VAV3: variants seen among roughly 807,000 people sequenced by gnomAD.
The protein encoded by VAV3 is guanine nucleotide exchange factor VAV3.
VAV3 carries 94 observed loss-of-function variants against 131.2 expected under a neutral mutation model. That is an observed-to-expected ratio of 0.72 (90% confidence interval 0.61 to 0.85). The LOEUF is 0.85. VAV3 is among the 40% of genes least tolerant of loss of function. The pLI, the probability that VAV3 is intolerant of heterozygous loss-of-function variation, is 0.00. For synonymous variants in VAV3, 349 were observed against 342.0 expected (o/e 1.02, Z -0.22); for missense variants, 939 against 1,002.7 (o/e 0.94, Z 0.86).
At chr1:107,679,843 C>T (rs1489631150) in intron 19 of VAV3, among the ~76,000 whole-genome samples, 1 of 152,092 alleles carries the variant, frequency 6.6e-6, no homozygotes, top group Non-Finnish European at 1.5e-5. Context: ...TGTTATTTTC[C>T]TGATACCAAC....
At chr1:107,641,606 T>C (rs922078660) in intron 20 of VAV3, among the ~76,000 whole-genome samples, 2 of 152,184 alleles carry the variant, frequency 1.3e-5, no homozygotes, top group Admixed American at 1.3e-4. Flanking sequence ...AACATCAACA[T>C]GCTCACTTAC....
At chr1:107,759,357 T>C (rs1391392860) in intron 10 of VAV3, among the ~76,000 whole-genome samples, 1 of 152,200 alleles carries the variant, frequency 6.6e-6, no homozygotes, top group Non-Finnish European at 1.5e-5. Context: ...TAAATAAAAG[T>C]CATGTTATTA....
At chr1:107,599,954 A>G (rs1375965865) in intron 24 of VAV3, among the ~76,000 whole-genome samples, 1 of 151,870 alleles carries the variant, frequency 6.6e-6, no homozygotes, top group African/African-American at 2.4e-5. Flanking sequence ...TGAAGTCTGT[A>G]TGATCTTGAT....
At position 107,755,451 on chromosome 1, in the gene VAV3, CTG is replaced by C; in HGVS notation, c.1147_1148del (p.Gln383ValfsTer23). ...CCAAATTCTCTATAGATAGCTGAAA[CTG>C]TTTAATTTCACGAAGGGTCTCATTA... ...RDNETLREIKQFQLSIENLNQ... is the reference protein window; with the variant it reads ...RDNETLREIKXFQLSIENLNQ... On this transcript the variant is annotated frameshift_variant, in exon 12 of 27. Transcript: ENST00000370056. LOFTEE classifies it high-confidence loss of function. The C allele has an allele frequency of 6.2e-7, 1 of 1,613,206 alleles. No individual in the cohort carries two copies. Among genetic ancestry groups the C allele is most frequent in the Non-Finnish European group, 8.5e-7 (1 of 1,179,300 alleles).
At chr1:107,954,438 T>C (rs1179381313) in intron 1 of VAV3, among the ~76,000 whole-genome samples, 2 of 152,142 alleles carry the variant, frequency 1.3e-5, no homozygotes, top group Non-Finnish European at 2.9e-5. Context: ...CCTTTCCTTT[T>C]CCCATTATAT....
intron 12 of VAV3, 92 bp downstream of exon 12, chr1:107,755,335 T>G: frequency 4.0e-6 from 4 of 1,004,984 alleles, no homozygotes; most frequent in Non-Finnish European, 6.0e-6. Context: ...CAGTAGAAAC[T>G]TGAAGGTAAA....
chr1:107,661,908 C>T (rs1009617980), intron 19 of VAV3, among the ~76,000 whole-genome samples: 8 of 152,210 alleles, frequency 5.3e-5, no homozygotes, highest in East Asian at 3.9e-4. Context: ...CTACCTACCA[C>T]GGAAAATTAA....
chr1:107,810,506 T>C (rs188043498), intron 2 of VAV3, among the ~76,000 whole-genome samples: 134 of 152,306 alleles, frequency 8.8e-4, no homozygotes, highest in African/African-American at 3.1e-3. Flanking sequence ...AAAATTGCTA[T>C]GAGACATGGA....
chr1:107,710,638 C>T, intron 15 of VAV3, among the ~76,000 whole-genome samples: 1 of 152,096 alleles, frequency 6.6e-6, no homozygotes, highest in East Asian at 1.9e-4. Flanking sequence ...CTATTAACCT[C>T]TATTATTTAA....
At chr1:107,862,071 T>C (rs1226944486) in intron 2 of VAV3, among the ~76,000 whole-genome samples, 1 of 151,638 alleles carries the variant, frequency 6.6e-6, no homozygotes, top group Non-Finnish European at 1.5e-5. Context: ...AGCATTATAA[T>C]TGGCATTGAG....
chr1:107,644,740 A>G (rs187637028), intron 19 of VAV3, among the ~76,000 whole-genome samples: 22 of 152,130 alleles, frequency 1.4e-4, no homozygotes, highest in Non-Finnish European at 2.9e-4. Context: ...TCACCACCCA[A>G]ATATATATTA....
At chr1:107,586,646 A>C (rs1234157716) in intron 25 of VAV3, among the ~76,000 whole-genome samples, 1 of 152,156 alleles carries the variant, frequency 6.6e-6, no homozygotes, top group East Asian at 1.9e-4. Context: ...AACCATTTAC[A>C]TGATGAGGAA....
intron 2 of VAV3, among the ~76,000 whole-genome samples, chr1:107,824,033 T>C (rs1021963134): frequency 6.6e-6 from 1 of 152,108 alleles, no homozygotes; most frequent in Non-Finnish European, 1.5e-5. Flanking sequence ...ACTCAACCAG[T>C]GTCATTGCAA....
In VAV3 at chr1:107,861,008, T is replaced by C. The variant is rs769244753; in HGVS notation, c.321+13893A>G. 4.6e-5 allele frequency among the ~76,000 whole-genome samples: 7 copies of C among 151,706 alleles called. 1 individual carries two copies. Among genetic ancestry groups the C allele is most frequent in the Non-Finnish European group, 1.0e-4 (7 of 67,896 alleles). ...ATGGAAGAAAATTTAGAAAGATAGA[T>C]TATGCTTTATTATTAGTGATGAATC... On this transcript the variant is annotated intron_variant, in intron 2 of 26. Coordinates refer to ENST00000370056, the MANE Select transcript of VAV3 (RefSeq NM_006113.5).
chr1:107,741,861 T>C (rs1454010695), intron 15 of VAV3, among the ~76,000 whole-genome samples: 1 of 152,122 alleles, frequency 6.6e-6, no homozygotes, highest in Admixed American at 6.5e-5. Context: ...GTGAGATCAG[T>C]GCTACTTAAA....
chr1:107,719,307 A>G (rs955261167), intron 15 of VAV3, among the ~76,000 whole-genome samples: 5 of 152,242 alleles, frequency 3.3e-5, no homozygotes, highest in African/African-American at 1.2e-4. Context: ...CAATCTACCC[A>G]TCTGACAAAG....
At chr1:107,578,854 A>G (rs879112081) in intron 25 of VAV3, 2 of 985,042 alleles carry the variant, frequency 2.0e-6, no homozygotes, top group Admixed American at 6.1e-5. Flanking sequence ...AATTTACACC[A>G]AGAGTCTGGA....
rs144370416 is a variant in VAV3, at chr1:107,728,537, T to C, written c.1502+20431A>G. Among the ~76,000 whole-genome samples, 1,495 of 151,348 alleles carry C rather than the reference T, an allele frequency of 9.9e-3. 18 individuals are homozygous for C. The highest frequency in any genetic ancestry group is 0.011 in the Non-Finnish European group (777 of 67,962). ...TGACCTCTGTGGTTCCAATCGGGGATTCTTTCTATTACACTGCCCTACAGA... is the reference window on the plus strand; with the variant it reads ...TGACCTCTGTGGTTCCAATCGGGGACTCTTTCTATTACACTGCCCTACAGA... On this transcript the variant is annotated intron_variant, in intron 15 of 26. Transcript: ENST00000370056.
At chr1:107,911,905 A>C (rs1422041635) in intron 1 of VAV3, among the ~76,000 whole-genome samples, 2 of 152,226 alleles carry the variant, frequency 1.3e-5, no homozygotes, top group African/African-American at 4.8e-5. Flanking sequence ...CAATAGACTT[A>C]CTGCAAACAG....
Sources: gnomAD v4.1 joint callset for allele counts (sites outside exome capture counted in the v4.1 genomes callset) on GRCh38, gnomAD v4.1.1 for gene constraint, MANE v1.5 for transcripts, NCBI Gene and HGNC (gene_info 2026-07-23, HGNC 2026-07-21) for gene names.